USP32: variants seen among roughly 807,000 people sequenced by gnomAD.
USP32 encodes ubiquitin carboxyl-terminal hydrolase 32.
Under a neutral mutation model 204.8 loss-of-function variants are expected in USP32, and 59 were observed. The ratio of observed to expected loss-of-function variants is 0.29; its 90% CI spans 0.23 to 0.36. The LOEUF is 0.36. Ranked by LOEUF, USP32 falls within the 10% of genes least tolerant of loss-of-function variation. The pLI is 1.00. For synonymous variants in USP32, 517 were observed against 678.4 expected (o/e 0.76, Z 3.70); for missense variants, 1,160 against 1,946.4 (o/e 0.60, Z 7.60).
At chr17:60,287,561 T>C (rs2087148136) in intron 5 of USP32, among the ~76,000 whole-genome samples, 1 of 150,946 alleles carries the variant, frequency 6.6e-6, no homozygotes, top group South Asian at 2.1e-4. Context: ...AGATATGTGA[T>C]TTTTACTGAG....
chr17:60,297,859 C>T (rs1430395848), intron 3 of USP32, among the ~76,000 whole-genome samples: 1 of 152,206 alleles, frequency 6.6e-6, no homozygotes, highest in African/African-American at 2.4e-5. Flanking sequence ...TCATTCACCA[C>T]CAAATGCTAA....
chr17:60,324,431 A>C (rs904368590), intron 2 of USP32, among the ~76,000 whole-genome samples: 4 of 152,048 alleles, frequency 2.6e-5, no homozygotes, highest in Non-Finnish European at 5.9e-5. Flanking sequence ...AGGAGAAGAA[A>C]CCAATTCTTA....
At chr17:60,330,804 A>G (rs2088361942) in intron 2 of USP32, among the ~76,000 whole-genome samples, 1 of 152,096 alleles carries the variant, frequency 6.6e-6, no homozygotes, top group Non-Finnish European at 1.5e-5. Flanking sequence ...ATAACTTCAT[A>G]TCATAAGGAA....
chr17:60,326,590 T>C (rs771711336), intron 2 of USP32, among the ~76,000 whole-genome samples: 46 of 152,236 alleles, frequency 3.0e-4, no homozygotes, highest in Non-Finnish European at 5.7e-4. Context: ...TGAGCCACTG[T>C]GCCCGGCCAT....
intron 1 of USP32, among the ~76,000 whole-genome samples, chr17:60,417,342 C>T (rs1366196502): frequency 6.6e-6 from 1 of 152,044 alleles, no homozygotes; most frequent in East Asian, 1.9e-4. Context: ...TGGGGAGTCT[C>T]TCTATGTTGC....
In USP32 at chr17:60,222,455, C is replaced by T; in HGVS notation, c.1703G>A (p.Arg568Lys). 6.2e-7 allele frequency: 1 copy of T among 1,614,094 alleles called. No homozygotes were observed. ...TGCTCCATACCAGTGATAAAGTGCT[C>T]TCCACACAGGTTCTGGGACCATTTC... ...DYEMVPEPVW[R>K]ALYHWYGANL... Residue 568 changes from arginine (R) to lysine (K), a missense_variant, in exon 15 of 34, where the codon AGA becomes AAA. This residue lies in a region of USP32 where 536 missense variants were observed against 680.9 expected (regional missense o/e 0.79). Transcript: ENST00000300896.
chr17:60,213,797 T>C, intron 17 of USP32, 135 bp from the exon 18 acceptor site: 3 of 914,352 alleles, frequency 3.3e-6, no homozygotes, highest in South Asian at 4.1e-5. Context: ...TGGCCTACTA[T>C]AGTTGTTCAT....
At chr17:60,326,372 G>A (rs1422102385) in intron 2 of USP32, among the ~76,000 whole-genome samples, 1 of 151,524 alleles carries the variant, frequency 6.6e-6, no homozygotes, top group African/African-American at 2.4e-5. Flanking sequence ...GTGGAATGGC[G>A]CAATCTCGGC....
intron 21 of USP32, 102 bp downstream of exon 21, chr17:60,210,911 A>G: frequency 6.9e-7 from 1 of 1,449,796 alleles, no homozygotes; most frequent in South Asian, 1.5e-5. Context: ...GGATCCAAAA[A>G]CATTTATTAA....
chr17:60,204,868 G>C (rs529922932), intron 26 of USP32, among the ~76,000 whole-genome samples: 15 of 151,778 alleles, frequency 9.9e-5, no homozygotes, highest in Non-Finnish European at 8.8e-5. Flanking sequence ...TGACCTCCTA[G>C]TCTCAAGTGA....
intron 5 of USP32, among the ~76,000 whole-genome samples, chr17:60,272,782 G>C (rs2086753470): frequency 1.3e-5 from 2 of 152,190 alleles, no homozygotes; most frequent in Non-Finnish European, 2.9e-5. Context: ...ATTGAGTTAA[G>C]AAGATAGGTT....
upstream of USP32, among the ~76,000 whole-genome samples, chr17:60,396,554 CAGT>C (rs977629032): frequency 5.3e-5 from 8 of 152,142 alleles, no homozygotes; most frequent in African/African-American, 1.9e-4. Flanking sequence ...TGGCTGGTCA[CAGT>C]AGCTCACACC....
intron 4 of USP32, among the ~76,000 whole-genome samples, chr17:60,293,860 C>G (rs1237222487): frequency 6.8e-6 from 1 of 146,756 alleles, no homozygotes; most frequent in South Asian, 2.1e-4. Flanking sequence ...ATGGGCAGCA[C>G]TGAGTGCTGC....
intron 2 of USP32, among the ~76,000 whole-genome samples, chr17:60,304,129 C>G (rs1358587315): frequency 6.6e-6 from 1 of 151,832 alleles, no homozygotes; most frequent in Non-Finnish European, 1.5e-5. Context: ...CACATTGAAA[C>G]TTCTCAAAAC....
At chr17:60,227,538 G>A (rs1296318919) in intron 12 of USP32, among the ~76,000 whole-genome samples, 1 of 150,998 alleles carries the variant, frequency 6.6e-6, no homozygotes. Flanking sequence ...CCAAAGTGCT[G>A]GAATTACAGG....
chr17:60,343,745 G>A (rs2088715115), intron 2 of USP32, among the ~76,000 whole-genome samples: 1 of 152,182 alleles, frequency 6.6e-6, no homozygotes, highest in African/African-American at 2.4e-5. Flanking sequence ...AAAAGAACTA[G>A]AGAAGGCCAG....
At chr17:60,249,709 A>T (rs1005984407) in intron 11 of USP32, 7 of 700,132 alleles carry the variant, frequency 1.0e-5, no homozygotes, top group Non-Finnish European at 1.8e-5. Flanking sequence ...TTCTTGAATA[A>T]ATGCTTCTCA....
At chr17:60,229,803 C>T (rs192103793) in intron 12 of USP32, among the ~76,000 whole-genome samples, 1 of 152,068 alleles carries the variant, frequency 6.6e-6, no homozygotes, top group Admixed American at 6.6e-5. Context: ...TGATGCATTA[C>T]AAATTACTTT....
At chr17:60,364,880 C>A (rs1015896939) in intron 1 of USP32, among the ~76,000 whole-genome samples, 1 of 152,104 alleles carries the variant, frequency 6.6e-6, no homozygotes, top group Non-Finnish European at 1.5e-5. Flanking sequence ...ATATACAAGT[C>A]AAACCTTATA....
Sources: allele counts gnomAD v4.1 joint callset (sites outside exome capture counted in the v4.1 genomes callset), GRCh38; gene constraint gnomAD v4.1.1; regional missense constraint gnomAD v4.1.1; transcripts MANE v1.5; gene names NCBI Gene and HGNC (gene_info 2026-07-23, HGNC 2026-07-21).